MBTPS1: variants seen among roughly 807,000 people sequenced by gnomAD.
MBTPS1 encodes the protein membrane bound transcription factor peptidase, site 1, also known as membrane-bound transcription factor site-1 protease.
MBTPS1 carries 94 observed loss-of-function variants against 127.8 expected under a neutral mutation model. The ratio of observed to expected loss-of-function variants is 0.74; its 90% CI spans 0.62 to 0.87. MBTPS1 has a LOEUF of 0.87. Among genes scored for constraint, MBTPS1 ranks in the 40% least tolerant of loss-of-function variants. The pLI is 0.00. For missense variants in MBTPS1, 1,636 were observed against 1,353.2 expected (o/e 1.21, Z -3.28); for synonymous variants, 632 against 509.4 (o/e 1.24, Z -3.24).
intron 21 of MBTPS1, chr16:84,058,046 T>A (rs979218614): frequency 2.0e-5 from 3 of 152,178 alleles, no homozygotes; most frequent in African/African-American, 7.2e-5. Context: ...AGGTTATAAA[T>A]AAATAAGATG....
rs767376751 is a variant in MBTPS1 at position 84,067,653 on chromosome 16, C to A, written c.2228+14G>T. Reference sequence around the variant, plus strand: ...CAAAAGTCTTATCCAAATACCAATGCGTATCAACAGTACCTTGTGTTTTCA... The same window carrying A: ...CAAAAGTCTTATCCAAATACCAATGAGTATCAACAGTACCTTGTGTTTTCA... On this transcript the variant is annotated intron_variant, in intron 16 of 22. Transcript: ENST00000343411. The A allele has an allele frequency of 2.5e-6, 4 of 1,587,342 alleles. No individual in the cohort carries two copies. The highest frequency in any genetic ancestry group is 3.5e-6 in the Non-Finnish European group (4 of 1,159,024).
intron 1 of MBTPS1, among the ~76,000 whole-genome samples, chr16:84,103,309 G>T (rs917475491): frequency 1.3e-5 from 2 of 151,110 alleles, no homozygotes; most frequent in African/African-American, 4.9e-5. Context: ...GGCTGGAGTG[G>T]GTGGCGCAAT....
chr16:84,097,156 G>C (rs1300304098), intron 3 of MBTPS1, among the ~76,000 whole-genome samples: 1 of 152,168 alleles, frequency 6.6e-6, no homozygotes, highest in Non-Finnish European at 1.5e-5. Context: ...AAAACAGATA[G>C]GCTTTGTCTT....
intron 18 of MBTPS1, among the ~76,000 whole-genome samples, chr16:84,063,761 C>T (rs1277710974): frequency 1.3e-5 from 2 of 151,750 alleles, no homozygotes; most frequent in South Asian, 2.1e-4. Flanking sequence ...AAAAAAAAAA[C>T]CTAAATTGTG....
intron 11 of MBTPS1, among the ~76,000 whole-genome samples, chr16:84,078,929 G>A (rs929301538): frequency 2.6e-5 from 4 of 152,348 alleles, no homozygotes; most frequent in African/African-American, 9.6e-5. Context: ...AGTGGGAACT[G>A]ACATGGTTTG....
chr16:84,101,684 G>A lies in MBTPS1; in HGVS notation c.100C>T (p.Pro34Ser). The A allele has an allele frequency of 1.2e-6, 2 of 1,614,116 alleles. No homozygotes were observed. The highest frequency in any genetic ancestry group is 1.1e-5 in the South Asian group (1 of 91,080). ...GTCAGGTGGGAACAGCCAGGGCATGGGGCCTTTTCAAAAGATTTCTTTTCC... is the reference window on the plus strand; with the variant it reads ...GTCAGGTGGGAACAGCCAGGGCATGAGGCCTTTTCAAAAGATTTCTTTTCC... ...RLEKKSFEKA[P>S]CPGCSHLTLK... is the part of the protein sequence containing the mutation. Residue 34 changes from proline (P) to serine (S), a missense_variant, in exon 2 of 23, where the codon CCA becomes TCA. Physicochemically the swap from Pro to Ser is moderately conservative, Grantham distance 74 (BLOSUM62 -1). Coordinates refer to ENST00000343411, the MANE Select transcript of MBTPS1 (RefSeq NM_003791.4).
At chr16:84,078,061 C>T (rs1380159705) in intron 11 of MBTPS1, among the ~76,000 whole-genome samples, 1 of 152,168 alleles carries the variant, frequency 6.6e-6, no homozygotes, top group East Asian at 1.9e-4. Flanking sequence ...CAAGACAGAG[C>T]ACTCTGTCAG....
At position 84,054,629 on chromosome 16, in the gene MBTPS1, G is replaced by C. The variant is rs1294827152; in HGVS notation, c.2979C>G (p.Arg993=). 1 of 1,608,852 alleles carries C rather than the reference G, an allele frequency of 6.2e-7. No individual in the cohort carries two copies. The highest frequency in any genetic ancestry group is 2.2e-5 in the East Asian group (1 of 44,672). Residue 993 remains arginine, a synonymous_variant, in exon 23 of 23, where the codon CGC becomes CGG. Coordinates refer to ENST00000343411, the MANE Select transcript of MBTPS1 (RefSeq NM_003791.4). The stretch of plus-strand genomic sequence containing the variant: ...TGGTCTGGCCCACCTCCTGGTTGTA[G>C]CGGCCAGGCATGATCCCTGTAAGAG... ...WDIPGGIMPG[R]YNQEVGQTIP...
Position 84,065,700 on chromosome 16 carries a change from G to T in MBTPS1, c.2421C>A (p.Phe807Leu), listed in dbSNP as rs772865552. The T allele has an allele frequency of 1.2e-5, 19 of 1,612,550 alleles. No homozygotes were observed. Among genetic ancestry groups the T allele is most frequent in the East Asian group, 8.9e-5 (4 of 44,858 alleles). ...PEDGVVITQT[F>L]KDQGLEVLKQ... ...AATGGCATCCTTTACCTTGGTCCTT[G>T]AAAGTCTGTGTTATCACGACGCCAT... Residue 807 changes from phenylalanine to leucine, a missense_variant, in exon 18 of 23, where the codon TTC becomes TTA. Physicochemically the swap from Phe to Leu is conservative, Grantham distance 22. Transcript: ENST00000343411.
At chr16:84,084,511 G>A (rs2085990005) in intron 10 of MBTPS1, among the ~76,000 whole-genome samples, 1 of 152,188 alleles carries the variant, frequency 6.6e-6, no homozygotes, top group African/African-American at 2.4e-5. Flanking sequence ...CTATCTATAT[G>A]TATTCCATAA....
intron 1 of MBTPS1, among the ~76,000 whole-genome samples, chr16:84,106,758 A>C (rs886492682): frequency 1.3e-5 from 2 of 152,196 alleles, no homozygotes; most frequent in African/African-American, 4.8e-5. Flanking sequence ...GGCAGGGAGC[A>C]TCTGGAGGAC....
At chr16:84,069,531 T>C (rs572834688) in intron 14 of MBTPS1, among the ~76,000 whole-genome samples, 4 of 152,122 alleles carry the variant, frequency 2.6e-5, no homozygotes, top group African/African-American at 9.6e-5. Context: ...GAGATGACAA[T>C]GGCATGGACT....
At chr16:84,082,750 A>G (rs1452280686) in intron 10 of MBTPS1, among the ~76,000 whole-genome samples, 1 of 152,180 alleles carries the variant, frequency 6.6e-6, no homozygotes, top group African/African-American at 2.4e-5. Flanking sequence ...ACATAAGTAG[A>G]GGAGATAAAG....
In MBTPS1 at chr16:84,116,941, C is replaced by T. The variant is rs999356310; in HGVS notation, c.-531G>A. 1.3e-5 allele frequency: 2 copies of T among 152,218 alleles called. No individual in the cohort carries two copies. Among genetic ancestry groups the T allele is most frequent in the African/African-American group, 4.8e-5 (2 of 41,466 alleles). The allele number at this position is 152,218 out of a possible 1,614,324, so 9.4% of individuals were successfully genotyped here. On this transcript the variant is annotated 5_prime_UTR_variant, in exon 1 of 23. Coordinates refer to ENST00000343411, the MANE Select transcript of MBTPS1 (RefSeq NM_003791.4). Reference sequence around the variant, plus strand: ...CGCTCCCGGGGCTTGCGTGCGCGCTCTGGACGCCGTGGGCAGCGGGACCAC... The same window carrying T: ...CGCTCCCGGGGCTTGCGTGCGCGCTTTGGACGCCGTGGGCAGCGGGACCAC...
rs62640900 is a variant in MBTPS1 at position 84,099,057 on chromosome 16, A to C, written c.417T>G (p.Ala139=). Residue 139 remains alanine, a synonymous_variant, in exon 3 of 23, where the codon GCT becomes GCG. Coordinates refer to ENST00000343411, the MANE Select transcript of MBTPS1 (RefSeq NM_003791.4). ...GCCTACAGTCACAATACTCACATTCAGCATACTTGAGGGAACGAAAGACTT... is the reference window on the plus strand; with the variant it reads ...GCCTACAGTCACAATACTCACATTCCGCATACTTGAGGGAACGAAAGACTT... ...QRKVFRSLKY[A]ESDPTVPCNE... 232 of 1,613,918 alleles carry C rather than the reference A, an allele frequency of 1.4e-4. No individual in the cohort carries two copies. In the African/African-American group the frequency reaches 2.2e-3, roughly 15 times the overall value.
intron 2 of MBTPS1, among the ~76,000 whole-genome samples, chr16:84,100,426 C>A (rs1436108377): frequency 6.6e-6 from 1 of 152,166 alleles, no homozygotes; most frequent in African/African-American, 2.4e-5. Flanking sequence ...TGCCTGTAAT[C>A]CCAGCTACTC....
chr16:84,063,643 G>C (rs1452743532), intron 18 of MBTPS1, among the ~76,000 whole-genome samples, 198 bp from the exon 19 acceptor site: 1 of 152,116 alleles, frequency 6.6e-6, no homozygotes, highest in African/African-American at 2.4e-5. Context: ...CCATTGATTT[G>C]TTTTAGCAAA....
intron 11 of MBTPS1, among the ~76,000 whole-genome samples, chr16:84,080,464 C>T (rs868519162): frequency 8.5e-5 from 13 of 152,242 alleles, no homozygotes; most frequent in African/African-American, 1.9e-4. Flanking sequence ...ACGGGCTGCA[C>T]AGTGGAGACA....
chr16:84,094,099 G>A (rs1213766536), intron 4 of MBTPS1, among the ~76,000 whole-genome samples: 2 of 151,996 alleles, frequency 1.3e-5, no homozygotes, highest in Admixed American at 6.6e-5. Context: ...ATTGCCACCA[G>A]CACTCAGGAT....
Sources: allele counts gnomAD v4.1 joint callset (sites outside exome capture counted in the v4.1 genomes callset), GRCh38; gene constraint gnomAD v4.1.1; transcripts MANE v1.5; gene names NCBI Gene and HGNC (gene_info 2026-07-23, HGNC 2026-07-21).